The following ITGA9 variants were observed in gnomAD, a reference collection of about 807,000 sequenced individuals.
ITGA9 encodes integrin alpha-9.
In ITGA9, 56 loss-of-function variants were observed where a neutral mutation model predicts 127.8. That is an observed-to-expected ratio of 0.44 (90% CI 0.35 to 0.55). The LOEUF (loss-of-function observed/expected upper bound fraction) is 0.55. Among genes scored for constraint, ITGA9 ranks in the 20% least tolerant of loss-of-function variants. ITGA9 has a pLI of 0.00. For missense variants in ITGA9, 1,196 were observed against 1,347.1 expected (o/e 0.89, Z 1.76); for synonymous variants, 508 against 514.5 (o/e 0.99, Z 0.17).
At chr3:37,684,085 T>C in intron 18 of ITGA9, 70 bp downstream of exon 18, 1 of 1,277,458 alleles carries the variant, frequency 7.8e-7, no homozygotes, top group African/African-American at 1.5e-5. Flanking sequence ...CATTATTGCC[T>C]GGAATAGGCA....
intron 18 of ITGA9, among the ~76,000 whole-genome samples, chr3:37,724,422 C>G (rs1430937332): frequency 6.6e-6 from 1 of 152,198 alleles, no homozygotes; most frequent in African/African-American, 2.4e-5. Context: ...TCCTTATAGC[C>G]TGGATCGTAT....
At chr3:37,726,517 C>T (rs1696205105) in intron 18 of ITGA9, among the ~76,000 whole-genome samples, 2 of 152,216 alleles carry the variant, frequency 1.3e-5, no homozygotes, top group South Asian at 2.1e-4. Flanking sequence ...AGCCCGAAGG[C>T]CAAAGAGGCT....
chr3:37,566,090 G>A (rs528461069), intron 15 of ITGA9, among the ~76,000 whole-genome samples: 172 of 152,272 alleles, frequency 1.1e-3, no homozygotes, highest in Middle Eastern at 0.01. Flanking sequence ...AATAGTTTAA[G>A]ATTCATAAGA....
chr3:37,502,822 T>TC (rs917503133), intron 5 of ITGA9, among the ~76,000 whole-genome samples: 9 of 152,160 alleles, frequency 5.9e-5, no homozygotes, highest in East Asian at 3.9e-4. Flanking sequence ...TGAGTGGTGT[T>TC]CCCCAGAATC....
chr3:37,494,391 G>A, intron 4 of ITGA9, 110 bp from the exon 5 acceptor site: 1 of 782,762 alleles, frequency 1.3e-6, no homozygotes, highest in Non-Finnish European at 2.2e-6. Flanking sequence ...CCTGGGCCCA[G>A]CCTGCCGCGG....
intron 12 of ITGA9, 64 bp from the exon 13 acceptor site, chr3:37,525,962 C>G: frequency 1.4e-6 from 2 of 1,413,046 alleles, no homozygotes; most frequent in Non-Finnish European, 2.0e-6. Flanking sequence ...TGAGCGCATT[C>G]CCAGGGCGCG....
chr3:37,599,763 A>G (rs561412215), intron 15 of ITGA9, among the ~76,000 whole-genome samples: 1 of 152,366 alleles, frequency 6.6e-6, no homozygotes, highest in South Asian at 2.1e-4. Flanking sequence ...TTTGAGGTAA[A>G]TGCACATGTA....
intron 18 of ITGA9, among the ~76,000 whole-genome samples, chr3:37,710,055 T>C (rs1049276205): frequency 6.6e-6 from 1 of 152,180 alleles, no homozygotes; most frequent in Admixed American, 6.5e-5. Context: ...AGTGTTGTAT[T>C]TACTTTTCTG....
intron 17 of ITGA9, among the ~76,000 whole-genome samples, chr3:37,657,312 C>T (rs961926469): frequency 8.5e-5 from 13 of 152,128 alleles, no homozygotes; most frequent in Middle Eastern, 3.4e-3. Context: ...TGTGAATCCG[C>T]CTGGTCCTGG....
chr3:37,502,900 G>A (rs992704617), intron 5 of ITGA9, among the ~76,000 whole-genome samples: 1 of 152,218 alleles, frequency 6.6e-6, no homozygotes, highest in African/African-American at 2.4e-5. Flanking sequence ...TTGAGGAAAC[G>A]TGTGTGGTCT....
intron 18 of ITGA9, among the ~76,000 whole-genome samples, chr3:37,694,535 T>G (rs1250290501): frequency 6.6e-6 from 1 of 152,238 alleles, no homozygotes; most frequent in Non-Finnish European, 1.5e-5. Context: ...TATGAAAAGC[T>G]TCATTTGTGT....
chr3:37,730,668 C>T (rs975890655), intron 18 of ITGA9, among the ~76,000 whole-genome samples: 6 of 152,102 alleles, frequency 3.9e-5, no homozygotes, highest in African/African-American at 9.7e-5. Flanking sequence ...GTGTGTGATA[C>T]GACAACTCAG....
At chr3:37,624,272 T>A (rs567328019) in intron 15 of ITGA9, among the ~76,000 whole-genome samples, 1 of 139,906 alleles carries the variant, frequency 7.1e-6, no homozygotes, top group Non-Finnish European at 1.5e-5. Flanking sequence ...GGTGGCCAGT[T>A]AGGGGTGCCA....
chr3:37,795,896 G>A (rs771452671), intron 26 of ITGA9, among the ~76,000 whole-genome samples: 21 of 152,134 alleles, frequency 1.4e-4, no homozygotes, highest in Non-Finnish European at 2.4e-4. Context: ...TATCTCTTCT[G>A]ACCTAGATTC....
rs1697487207 is a variant in ITGA9, at chr3:37,819,649, A to T, written c.*660A>T. 1.3e-5 allele frequency: 2 copies of T among 152,502 alleles called. No individual in the cohort carries two copies. The highest frequency in any genetic ancestry group is 1.3e-4 in the Admixed American group (2 of 15,298). The allele number at this position is 152,502 out of a possible 1,614,324, so 9.4% of individuals were successfully genotyped here. On this transcript the variant is annotated 3_prime_UTR_variant, in exon 28 of 28. Transcript: ENST00000264741. ...TGCTAATGTGTGCTAAAGAACTGTA[A>T]GTGTTTTTTCATATGTACTTTTCAT...
At chr3:37,564,364 T>C (rs1361382291) in intron 15 of ITGA9, among the ~76,000 whole-genome samples, 1 of 152,248 alleles carries the variant, frequency 6.6e-6, no homozygotes, top group East Asian at 1.9e-4. Flanking sequence ...TGTTTCAAGA[T>C]ATGGCAAGCC....
chr3:37,602,199 T>G (rs188150607), intron 15 of ITGA9, among the ~76,000 whole-genome samples: 7 of 150,568 alleles, frequency 4.6e-5, no homozygotes, highest in Admixed American at 4.1e-4. Context: ...AATTAGAATC[T>G]TAAAATCAAA....
chr3:37,580,764 G>A (rs1204754713), intron 15 of ITGA9, among the ~76,000 whole-genome samples: 1 of 152,090 alleles, frequency 6.6e-6, no homozygotes, highest in East Asian at 1.9e-4. Context: ...ACAGTAATAA[G>A]GAATCCTAGG....
intron 8 of ITGA9, among the ~76,000 whole-genome samples, chr3:37,512,426 G>T (rs928899200): frequency 2.0e-5 from 3 of 151,448 alleles, no homozygotes; most frequent in Non-Finnish European, 2.9e-5. Context: ...CACCATGTTG[G>T]CCAGGCTGGT....
Sources: gnomAD v4.1 joint callset for allele counts (sites outside exome capture counted in the v4.1 genomes callset) on GRCh38, gnomAD v4.1.1 for gene constraint, MANE v1.5 for transcripts, NCBI Gene and HGNC (gene_info 2026-07-23, HGNC 2026-07-21) for gene names.